The following COL21A1 variants were observed in gnomAD, a reference collection of about 807,000 sequenced individuals.
COL21A1 encodes collagen alpha-1(XXI) chain.
A neutral mutation model predicts 137.9 loss-of-function variants in COL21A1; 149 were observed. The observed-to-expected ratio is 1.08, with a 90% confidence interval of 0.95 to 1.24. The LOEUF (loss-of-function observed/expected upper bound fraction) is 1.24, where lower values mean the gene tolerates loss of function less well. Ranked by LOEUF, COL21A1 falls within the 50% of genes most tolerant of loss-of-function variation. The pLI is 0.00. For synonymous variants in COL21A1, 456 were observed against 391.5 expected, an observed-to-expected ratio of 1.16 and a Z score of -1.95; for missense variants, 1,167 against 1,158.4, an observed-to-expected ratio of 1.01 and a Z score of -0.11.
At chr6:56,174,728 C>T (rs946908068) in intron 3 of COL21A1, among the ~76,000 whole-genome samples, 1 of 151,966 alleles carries the variant, frequency 6.6e-6, no homozygotes, top group African/African-American at 2.4e-5. Context: ...TTCTACCAGA[C>T]ATTTAAAGAA....
intron 1 of COL21A1, among the ~76,000 whole-genome samples, chr6:56,206,502 A>T (rs1185090196): frequency 6.6e-6 from 1 of 151,838 alleles, no homozygotes; most frequent in Non-Finnish European, 1.5e-5. Context: ...AAGTTATTGG[A>T]GACCTACCAA....
At chr6:56,314,875 A>C (rs1764696724) in intron 1 of COL21A1, among the ~76,000 whole-genome samples, 1 of 152,166 alleles carries the variant, frequency 6.6e-6, no homozygotes, top group South Asian at 2.1e-4. Flanking sequence ...ACCCAAGCAA[A>C]ACCACTAGAG....
At chr6:56,168,373 G>T (rs544289441) in intron 5 of COL21A1, 76 bp from the exon 6 acceptor site, 3 of 1,221,894 alleles carry the variant, frequency 2.5e-6, no homozygotes, top group East Asian at 5.2e-5. Flanking sequence ...TTACTCCCTT[G>T]TTCCTAACCA....
chr6:56,250,264 C>A (rs1457225795), upstream of COL21A1, among the ~76,000 whole-genome samples: 3 of 152,138 alleles, frequency 2.0e-5, no homozygotes, highest in Admixed American at 2.0e-4. Context: ...CAGATATAAC[C>A]AAGGTTTTAA....
rs1582573476 is a variant in COL21A1, at chr6:56,179,882, T to C, written c.336A>G (p.Gly112=). The change falls in exon 3 of 30, where the codon GGA becomes GGG. Residue 112 remains glycine (G), a synonymous_variant. Transcript: ENST00000244728. ...AAVESILYLG[G]NTKTGKAIQF... is the part of the protein sequence containing the mutation. Reference sequence around the variant, plus strand: ...GGATGGCCTTCCCTGTCTTTGTGTTTCCTCCTAAGTAGAGTATGGATTCCA... The same window carrying C: ...GGATGGCCTTCCCTGTCTTTGTGTTCCCTCCTAAGTAGAGTATGGATTCCA... The C allele has an allele frequency of 6.2e-7, 1 of 1,613,856 alleles. No homozygotes were observed. Among genetic ancestry groups the C allele is most frequent in the African/African-American group, 1.3e-5 (1 of 74,930 alleles).
chr6:56,297,127 T>C (rs1462348586), intron 1 of COL21A1, among the ~76,000 whole-genome samples: 1 of 152,050 alleles, frequency 6.6e-6, no homozygotes. Context: ...TTTTTTAATT[T>C]TTAAAGGAGG....
At chr6:56,226,833 G>C (rs4712119) in intron 1 of COL21A1, among the ~76,000 whole-genome samples, 2 of 151,372 alleles carry the variant, frequency 1.3e-5, no homozygotes, top group Non-Finnish European at 2.9e-5. Context: ...TGAAACTTTC[G>C]AAGAGACTAT....
chr6:56,163,858 T>C (rs1316498511), intron 9 of COL21A1, among the ~76,000 whole-genome samples: 1 of 152,122 alleles, frequency 6.6e-6, no homozygotes, highest in African/African-American at 2.4e-5. Context: ...CAAATCAATA[T>C]GTAAATGTAA....
At chr6:56,217,746 A>G (rs1780578423) in intron 1 of COL21A1, among the ~76,000 whole-genome samples, 1 of 152,108 alleles carries the variant, frequency 6.6e-6, no homozygotes, top group Non-Finnish European at 1.5e-5. Context: ...GAGTCAGTGC[A>G]TGGCTTAAAC....
At chr6:56,140,956 G>A (rs1446639521) in intron 12 of COL21A1, among the ~76,000 whole-genome samples, 3 of 152,090 alleles carry the variant, frequency 2.0e-5, no homozygotes, top group African/African-American at 7.2e-5. Flanking sequence ...CAATAAAGCA[G>A]TCAGCATAAG....
At chr6:56,138,892 G>A (rs1423831595) in intron 12 of COL21A1, among the ~76,000 whole-genome samples, 1 of 151,984 alleles carries the variant, frequency 6.6e-6, no homozygotes, top group Non-Finnish European at 1.5e-5. Context: ...TAGGCTATTG[G>A]GAAAATTTAA....
intron 1 of COL21A1, among the ~76,000 whole-genome samples, chr6:56,284,900 T>C (rs1270264738): frequency 6.6e-6 from 1 of 152,216 alleles, no homozygotes; most frequent in Non-Finnish European, 1.5e-5. Flanking sequence ...CTGTTTTCTT[T>C]GCCTTTGAAC....
intron 1 of COL21A1, among the ~76,000 whole-genome samples, chr6:56,290,903 A>G (rs1256772188): frequency 6.6e-6 from 1 of 152,222 alleles, no homozygotes; most frequent in Non-Finnish European, 1.5e-5. Context: ...CTATTTGCCT[A>G]AAGCTCCCAG....
intron 1 of COL21A1, among the ~76,000 whole-genome samples, chr6:56,383,909 C>T (rs934726561): frequency 1.3e-5 from 2 of 152,104 alleles, no homozygotes; most frequent in Non-Finnish European, 2.9e-5. Flanking sequence ...CTCTATAGCT[C>T]GAGGCTTTCA....
intron 17 of COL21A1, among the ~76,000 whole-genome samples, chr6:56,085,570 A>G (rs911042372): frequency 2.0e-5 from 3 of 152,090 alleles, no homozygotes; most frequent in African/African-American, 7.2e-5. Context: ...CAATATCACT[A>G]AAACTGATTG....
chr6:56,113,164 C>A (rs1771602563), intron 16 of COL21A1, among the ~76,000 whole-genome samples: 1 of 152,194 alleles, frequency 6.6e-6, no homozygotes, highest in Non-Finnish European at 1.5e-5. Flanking sequence ...CTGAACTAGG[C>A]CCACAGACAG....
intron 3 of COL21A1, among the ~76,000 whole-genome samples, chr6:56,172,099 G>T (rs1333118827): frequency 6.6e-6 from 1 of 150,988 alleles, no homozygotes; most frequent in African/African-American, 2.4e-5. Context: ...GTGAAAAGGG[G>T]ACAAAAAGCT....
chr6:56,303,655 T>C (rs1430532413), intron 1 of COL21A1, among the ~76,000 whole-genome samples: 2 of 152,210 alleles, frequency 1.3e-5, no homozygotes, highest in Non-Finnish European at 2.9e-5. Context: ...GTTTTCTAGA[T>C]ATACAATCAT....
intron 1 of COL21A1, among the ~76,000 whole-genome samples, chr6:56,244,999 C>T (rs1782561711): frequency 6.6e-6 from 1 of 152,276 alleles, no homozygotes; most frequent in Non-Finnish European, 1.5e-5. Flanking sequence ...GGACTCATTA[C>T]CTCACCTACT....
Sources: gnomAD v4.1 joint callset for allele counts (sites outside exome capture counted in the v4.1 genomes callset) on GRCh38, gnomAD v4.1.1 for gene constraint, MANE v1.5 for transcripts, NCBI Gene and HGNC (gene_info 2026-07-23, HGNC 2026-07-21) for gene names.